The following PALLD variants were observed in gnomAD, a reference collection of about 807,000 sequenced individuals.
PALLD encodes the protein palladin.
Under a neutral mutation model 123.5 loss-of-function variants are expected in PALLD, and 61 were observed. The observed-to-expected ratio is 0.49, with a 90% CI of 0.40 to 0.61. PALLD has a LOEUF of 0.61. Among genes scored for constraint, PALLD ranks in the 20% least tolerant of loss-of-function variants. The pLI is 0.00. For missense variants in PALLD, 1,273 were observed against 1,377.0 expected (o/e 0.92, Z 1.20); for synonymous variants, 465 against 496.4 (o/e 0.94, Z 0.84).
chr4:168,842,049 C>T (rs1410503865), intron 10 of PALLD, among the ~76,000 whole-genome samples: 1 of 152,158 alleles, frequency 6.6e-6, no homozygotes, highest in Non-Finnish European at 1.5e-5. Context: ...TATCTTGAAA[C>T]AAAGTTTGGT....
chr4:168,551,038 A>C (rs1325021077), intron 2 of PALLD, among the ~76,000 whole-genome samples: 1 of 152,212 alleles, frequency 6.6e-6, no homozygotes, highest in Non-Finnish European at 1.5e-5. Flanking sequence ...AGAGTTATCT[A>C]TGCACTGTAG....
At chr4:168,606,415 C>G (rs1449966868) in intron 2 of PALLD, among the ~76,000 whole-genome samples, 1 of 152,120 alleles carries the variant, frequency 6.6e-6, no homozygotes. Context: ...TGGCTCAGGC[C>G]TGTAATCCCA....
intron 2 of PALLD, among the ~76,000 whole-genome samples, chr4:168,618,222 C>T (rs1774415663): frequency 6.6e-6 from 1 of 152,076 alleles, no homozygotes. Flanking sequence ...TCATCTGCCT[C>T]AGATGATAAC....
chr4:168,716,828 T>C (rs1283407052), intron 10 of PALLD, among the ~76,000 whole-genome samples: 2 of 152,240 alleles, frequency 1.3e-5, no homozygotes, highest in Admixed American at 6.5e-5. Context: ...TATCATTCTC[T>C]TTATTAGTGA....
intron 10 of PALLD, among the ~76,000 whole-genome samples, chr4:168,773,824 A>G (rs1321393968): frequency 6.6e-6 from 1 of 152,152 alleles, no homozygotes; most frequent in Non-Finnish European, 1.5e-5. Context: ...CCGAAAGGTC[A>G]CGGGTACACA....
chr4:168,853,036 T>C (rs1459507606), intron 10 of PALLD, among the ~76,000 whole-genome samples: 3 of 152,218 alleles, frequency 2.0e-5, no homozygotes, highest in Admixed American at 6.5e-5. Flanking sequence ...TTCATAATTT[T>C]AGCCATTTAG....
chr4:168,753,688 C>T (rs1052633082), intron 10 of PALLD, among the ~76,000 whole-genome samples: 2 of 152,174 alleles, frequency 1.3e-5, no homozygotes, highest in Admixed American at 6.5e-5. Context: ...TCACTCATCA[C>T]GTGTAGAGGC....
At chr4:168,755,216 G>A (rs2150404017) in intron 10 of PALLD, among the ~76,000 whole-genome samples, 1 of 140,328 alleles carries the variant, frequency 7.1e-6, no homozygotes, top group South Asian at 2.4e-4. Context: ...CTGGGCGAGA[G>A]AGCAAGACTC....
At chr4:168,784,803 C>G (rs1736449434) in intron 10 of PALLD, among the ~76,000 whole-genome samples, 1 of 152,006 alleles carries the variant, frequency 6.6e-6, no homozygotes, top group African/African-American at 2.4e-5. Flanking sequence ...GTTAAGTGCA[C>G]AGTAGTCCAT....
chr4:168,680,985 G>C (rs75091198), intron 3 of PALLD, among the ~76,000 whole-genome samples: 2 of 152,132 alleles, frequency 1.3e-5, no homozygotes, highest in Non-Finnish European at 1.5e-5. Context: ...GTTTAAAAGC[G>C]TGGGTATTCT....
chr4:168,817,415 AG>A (rs1484213708), intron 10 of PALLD, among the ~76,000 whole-genome samples: 5 of 152,210 alleles, frequency 3.3e-5, no homozygotes, highest in African/African-American at 1.2e-4. Flanking sequence ...GTATCCTTTG[AG>A]AAAAATCTTA....
At chr4:168,757,344 C>T (rs1289574315) in intron 10 of PALLD, among the ~76,000 whole-genome samples, 3 of 152,122 alleles carry the variant, frequency 2.0e-5, no homozygotes, top group African/African-American at 7.2e-5. Context: ...GCCTGAAAGG[C>T]TAAATTGTGA....
At chr4:168,888,690 CT>C (rs1337727904) in intron 10 of PALLD, among the ~76,000 whole-genome samples, 1 of 152,208 alleles carries the variant, frequency 6.6e-6, no homozygotes, top group African/African-American at 2.4e-5. Context: ...TATCGCATGC[CT>C]TTGGCCAAAC....
chr4:168,812,237 G>T (rs2150747082), intron 10 of PALLD, among the ~76,000 whole-genome samples: 1 of 152,312 alleles, frequency 6.6e-6, no homozygotes, highest in African/African-American at 2.4e-5. Flanking sequence ...AGCCAATTAG[G>T]ATTGTTCCCA....
intron 2 of PALLD, among the ~76,000 whole-genome samples, chr4:168,526,469 ATCT>A (rs1764056957): frequency 6.6e-6 from 1 of 152,236 alleles, no homozygotes; most frequent in African/African-American, 2.4e-5. Context: ...AGTTGGGTTC[ATCT>A]TCTCTCTCTC....
intron 11 of PALLD, among the ~76,000 whole-genome samples, chr4:168,893,405 T>A (rs1266047585): frequency 1.3e-5 from 2 of 152,230 alleles, no homozygotes; most frequent in Non-Finnish European, 2.9e-5. Flanking sequence ...CAGGACTATT[T>A]GTCATTTGGC....
Position 168,799,451 on chromosome 4 carries a change from G to A in PALLD, c.1964+87528G>A, listed in dbSNP as rs193189436. On this transcript the variant is annotated intron_variant, in intron 10 of 21. Transcript: ENST00000505667. ...ATTTCTAATGCAAATTCTTTAAGTC[G>A]TACTGTTCCTACTCACCTTGAACTT... 1.6e-3 allele frequency among the ~76,000 whole-genome samples: 245 copies of A among 152,210 alleles called. 3 individuals are homozygous for A. Among genetic ancestry groups the A allele is most frequent in the South Asian group, 2.9e-3 (14 of 4,812 alleles).
intron 2 of PALLD, among the ~76,000 whole-genome samples, chr4:168,549,086 A>G (rs1766463875): frequency 1.3e-5 from 2 of 152,338 alleles, no homozygotes; most frequent in South Asian, 2.1e-4. Flanking sequence ...GGAAAATATA[A>G]TTATCTCAGA....
rs146768980 is a variant in PALLD at position 168,730,488 on chromosome 4, G to T, written c.1964+18565G>T. On this transcript the variant is annotated intron_variant, in intron 10 of 21. Transcript: ENST00000505667. ...CTATTTCTTAAAATTCCTTTTTTTTGTTGTTGTTTTTCTGTGTGTGCATTT... is the reference window on the plus strand; with the variant it reads ...CTATTTCTTAAAATTCCTTTTTTTTTTTGTTGTTTTTCTGTGTGTGCATTT... Among the ~76,000 whole-genome samples, 911 of 151,440 alleles carry T rather than the reference G, an allele frequency of 6.0e-3. 9 individuals are homozygous for T. The highest frequency in any genetic ancestry group is 0.021 in the African/African-American group (861 of 41,268).
Sources: allele counts gnomAD v4.1 joint callset (sites outside exome capture counted in the v4.1 genomes callset), GRCh38; gene constraint gnomAD v4.1.1; transcripts MANE v1.5; gene names NCBI Gene and HGNC (gene_info 2026-07-23, HGNC 2026-07-21).